CSMD1: variants seen among roughly 807,000 people sequenced by gnomAD.
CSMD1 encodes the protein CUB and sushi domain-containing protein 1.
Under a neutral mutation model 417.5 loss-of-function variants are expected in CSMD1, and 213 were observed. The ratio of observed to expected loss-of-function variants is 0.51; its 90% CI spans 0.46 to 0.57. CSMD1 has a LOEUF of 0.57. Among genes scored for constraint, CSMD1 ranks in the 20% least tolerant of loss-of-function variants. CSMD1 has a pLI of 0.00. For synonymous variants in CSMD1, 2,862 were observed against 1,736.8 expected (o/e 1.65, Z -16.11); for missense variants, 6,923 against 4,529.7 (o/e 1.53, Z -15.17).
intron 5 of CSMD1, among the ~76,000 whole-genome samples, chr8:3,782,938 A>T (rs2129063573): frequency 6.6e-6 from 1 of 152,342 alleles, no homozygotes; most frequent in African/African-American, 2.4e-5. Flanking sequence ...ACATGGCAAG[A>T]GATCTAGCCT....
chr8:3,497,185 T>G (rs1294521366), intron 10 of CSMD1, among the ~76,000 whole-genome samples: 2 of 152,164 alleles, frequency 1.3e-5, no homozygotes, highest in South Asian at 2.1e-4. Context: ...TAGTTTAAGT[T>G]TAACACTTCT....
At chr8:4,373,146 G>T (rs7842780) in intron 3 of CSMD1, among the ~76,000 whole-genome samples, 109,262 of 151,990 alleles carry the variant, frequency 0.72, 40,198 homozygotes, top group African/African-American at 0.89. Flanking sequence ...CACCTCCCTA[G>T]GGAGGAGCAA....
intron 5 of CSMD1, among the ~76,000 whole-genome samples, chr8:3,844,799 T>C (rs929470826): frequency 1.1e-4 from 16 of 152,212 alleles, no homozygotes; most frequent in African/African-American, 3.6e-4. Context: ...CTTCTGTTCA[T>C]AGAAGAATCA....
intron 1 of CSMD1, among the ~76,000 whole-genome samples, chr8:4,741,031 T>C (rs140144042): frequency 1.5e-4 from 23 of 152,340 alleles, no homozygotes; most frequent in Admixed American, 1.2e-3. Flanking sequence ...AAAGTCCTAG[T>C]AATTGCTTTA....
chr8:4,965,492 A>G (rs901728411), intron 1 of CSMD1, among the ~76,000 whole-genome samples: 14 of 152,204 alleles, frequency 9.2e-5, no homozygotes, highest in African/African-American at 3.4e-4. Context: ...CAGAAGGATG[A>G]CTGAGTCTCT....
intron 2 of CSMD1, among the ~76,000 whole-genome samples, chr8:4,598,884 AATGACTTTTTTCC>A (rs1411148797): frequency 1.3e-5 from 2 of 151,556 alleles, no homozygotes; most frequent in African/African-American, 2.4e-5. Context: ...AGAAAAAAAG[AATGACTTTTTTCC>A]TAGAGTCAGT....
In CSMD1 at chr8:3,463,730, T is replaced by C. The variant is rs531681223; in HGVS notation, c.1561+4982A>G. On this transcript the variant is annotated intron_variant, in intron 12 of 69. Transcript: ENST00000635120. ...GGGCGAGACTGGGCTGGGTAACTCA[T>C]GCCAGTACAACCACGCAAGACGAGA... Among the ~76,000 whole-genome samples the C allele has an allele frequency of 2.2e-4, 33 of 152,182 alleles. 1 individual carries two copies. The highest frequency in any genetic ancestry group is 2.0e-3 in the Admixed American group (31 of 15,278).
chr8:4,936,919 T>G (rs10109709), intron 1 of CSMD1, among the ~76,000 whole-genome samples: 1 of 152,132 alleles, frequency 6.6e-6, no homozygotes, highest in Non-Finnish European at 1.5e-5. Flanking sequence ...TCTTTAAATG[T>G]TATTTTTGTT....
intron 4 of CSMD1, among the ~76,000 whole-genome samples, chr8:4,023,907 G>T (rs1243544010): frequency 6.6e-6 from 1 of 151,466 alleles, no homozygotes; most frequent in African/African-American, 2.4e-5. Context: ...GTGAGCCACA[G>T]CACCCGACCA....
At chr8:4,025,495 G>C (rs565832009) in intron 4 of CSMD1, among the ~76,000 whole-genome samples, 5 of 152,148 alleles carry the variant, frequency 3.3e-5, no homozygotes, top group Non-Finnish European at 5.9e-5. Context: ...TAAATCAAGA[G>C]GCAAAAGCAT....
intron 3 of CSMD1, among the ~76,000 whole-genome samples, chr8:4,186,682 T>C (rs1262519003): frequency 6.6e-6 from 1 of 152,134 alleles, no homozygotes. Context: ...ATTTGTTTTC[T>C]ATTAAGACTA....
At chr8:4,877,467 T>C (rs1321248239) in intron 1 of CSMD1, among the ~76,000 whole-genome samples, 1 of 152,088 alleles carries the variant, frequency 6.6e-6, no homozygotes, top group Non-Finnish European at 1.5e-5. Context: ...TATAAAGTCA[T>C]ATTTGCTATT....
chr8:4,193,043 T>C (rs1001166884), intron 3 of CSMD1, among the ~76,000 whole-genome samples: 1 of 152,252 alleles, frequency 6.6e-6, no homozygotes, highest in African/African-American at 2.4e-5. Context: ...CTTAAGTTAA[T>C]GTCATTATGT....
Position 4,532,939 on chromosome 8 carries a change from A to G in CSMD1, c.302+104403T>C, listed in dbSNP as rs138007260. On this transcript the variant is annotated intron_variant, in intron 2 of 69. Transcript: ENST00000635120. ...AGAGAAATCTTGCACCTGCATTCACAGTCACTCCGGAAGAGAAATCCTGCA... is the reference window on the plus strand; with the variant it reads ...AGAGAAATCTTGCACCTGCATTCACGGTCACTCCGGAAGAGAAATCCTGCA... Among the ~76,000 whole-genome samples, 249 of 152,128 alleles carry G rather than the reference A, an allele frequency of 1.6e-3. 4 individuals carry two copies. Among genetic ancestry groups the G allele is most frequent in the African/African-American group, 5.6e-3 (234 of 41,486 alleles).
intron 3 of CSMD1, among the ~76,000 whole-genome samples, chr8:4,117,555 G>A (rs1180456107): frequency 6.6e-6 from 1 of 152,148 alleles, no homozygotes; most frequent in Non-Finnish European, 1.5e-5. Context: ...GATTGTGACA[G>A]CTAATAGCAG....
chr8:4,442,370 G>C (rs186791604), intron 2 of CSMD1, among the ~76,000 whole-genome samples: 1 of 152,252 alleles, frequency 6.6e-6, no homozygotes, highest in Non-Finnish European at 1.5e-5. Flanking sequence ...CGTTTGCCTA[G>C]AGATTTCTAC....
intron 1 of CSMD1, among the ~76,000 whole-genome samples, chr8:4,961,512 A>T (rs1159665235): frequency 1.3e-5 from 2 of 152,180 alleles, no homozygotes; most frequent in African/African-American, 4.8e-5. Context: ...ATAAGTATCC[A>T]TTAGTTTGGC....
intron 50 of CSMD1, among the ~76,000 whole-genome samples, chr8:3,033,559 T>C (rs979433639): frequency 2.6e-5 from 4 of 151,808 alleles, no homozygotes; most frequent in Admixed American, 6.6e-5. Flanking sequence ...CGAGAACACA[T>C]GGACACAGGG....
At chr8:4,737,926 G>C (rs560976183) in intron 1 of CSMD1, among the ~76,000 whole-genome samples, 2 of 152,156 alleles carry the variant, frequency 1.3e-5, no homozygotes, top group African/African-American at 4.8e-5. Context: ...TGAAGGAAAG[G>C]CGAGAAAGTA....
Sources: allele counts gnomAD v4.1 joint callset (sites outside exome capture counted in the v4.1 genomes callset), GRCh38; gene constraint gnomAD v4.1.1; transcripts MANE v1.5; gene names NCBI Gene and HGNC (gene_info 2026-07-23, HGNC 2026-07-21).